The following PTPRT variants were observed in gnomAD, a reference collection of about 807,000 sequenced individuals.
PTPRT encodes the protein receptor-type tyrosine-protein phosphatase T.
PTPRT carries 56 observed loss-of-function variants against 176.8 expected under a neutral mutation model. The observed-to-expected ratio is 0.32, with a 90% CI of 0.26 to 0.40. The LOEUF (loss-of-function observed/expected upper bound fraction) is 0.40, where lower values mean the gene tolerates loss of function less well. PTPRT is among the 10% of genes least tolerant of loss of function. The pLI, the probability that PTPRT is intolerant of heterozygous loss-of-function variation, is 1.00. For missense variants in PTPRT, 1,540 were observed against 1,908.2 expected (o/e 0.81, Z 3.60); for synonymous variants, 783 against 739.0 (o/e 1.06, Z -0.96).
chr20:42,456,013 C>A (rs1162598016), intron 8 of PTPRT, among the ~76,000 whole-genome samples: 1 of 151,982 alleles, frequency 6.6e-6, no homozygotes, highest in Non-Finnish European at 1.5e-5. Context: ...GAGATAATAT[C>A]ATGTCTTTAT....
chr20:42,607,919 A>T (rs1306163070), intron 7 of PTPRT, among the ~76,000 whole-genome samples: 1 of 152,148 alleles, frequency 6.6e-6, no homozygotes. Flanking sequence ...TCCCTGAAAC[A>T]CCAGCTCATA....
chr20:42,156,898 A>C (rs1220807383), intron 17 of PTPRT, among the ~76,000 whole-genome samples: 1 of 152,204 alleles, frequency 6.6e-6, no homozygotes, highest in Non-Finnish European at 1.5e-5. Flanking sequence ...CATTCTCAAC[A>C]CAGTAGCTAG....
At chr20:42,729,273 G>A (rs1320993851) in intron 6 of PTPRT, among the ~76,000 whole-genome samples, 1 of 152,114 alleles carries the variant, frequency 6.6e-6, no homozygotes, top group Non-Finnish European at 1.5e-5. Context: ...ACCCAGGGGG[G>A]TCGGTCTAGC....
chr20:42,886,050 C>CATAT (rs11473209), intron 1 of PTPRT, 118 bp from the exon 2 acceptor site: 3,551 of 338,510 alleles, frequency 0.01, 11 homozygotes, highest in Non-Finnish European at 0.013. Context: ...GAAGATTTTC[C>CATAT]ATATATATAT....
intron 1 of PTPRT, among the ~76,000 whole-genome samples, chr20:42,994,121 C>T (rs954305271): frequency 1.3e-5 from 2 of 152,196 alleles, no homozygotes; most frequent in Admixed American, 1.3e-4. Context: ...TATTTATCCA[C>T]TCCCATTTCA....
chr20:42,195,911 C>T (rs1991198608), intron 16 of PTPRT, among the ~76,000 whole-genome samples: 2 of 152,170 alleles, frequency 1.3e-5, no homozygotes, highest in African/African-American at 4.8e-5. Flanking sequence ...TCTCCTCTTC[C>T]TTTATGGCAA....
intron 7 of PTPRT, among the ~76,000 whole-genome samples, chr20:42,505,892 T>G (rs1183697871): frequency 1.3e-5 from 2 of 152,170 alleles, no homozygotes; most frequent in Non-Finnish European, 2.9e-5. Flanking sequence ...TTAAAGCATA[T>G]TTCACTTTGT....
At chr20:42,138,833 T>A (rs1463343591) in intron 18 of PTPRT, among the ~76,000 whole-genome samples, 1 of 152,154 alleles carries the variant, frequency 6.6e-6, no homozygotes, top group African/African-American at 2.4e-5. Context: ...TTCGCCAAGG[T>A]CTCTTGTTGT....
intron 1 of PTPRT, among the ~76,000 whole-genome samples, chr20:43,151,825 T>C (rs893773236): frequency 6.6e-6 from 1 of 151,312 alleles, no homozygotes; most frequent in South Asian, 2.1e-4. Flanking sequence ...ATTGTGCCAT[T>C]GCACTCCAGC....
intron 7 of PTPRT, among the ~76,000 whole-genome samples, chr20:42,570,833 C>T (rs1217695522): frequency 6.6e-6 from 1 of 151,850 alleles, no homozygotes; most frequent in Non-Finnish European, 1.5e-5. Context: ...ATCACAAGAT[C>T]TTTAACTTAA....
At chr20:42,120,024 C>T in intron 19 of PTPRT, 53 bp from the exon 20 acceptor site, 6 of 1,502,396 alleles carry the variant, frequency 4.0e-6, no homozygotes, top group Non-Finnish European at 4.6e-6. Context: ...AGCTTGCAAA[C>T]AGCACAATAT....
chr20:42,301,588 C>T (rs768897195), intron 12 of PTPRT, among the ~76,000 whole-genome samples: 16 of 151,588 alleles, frequency 1.1e-4, no homozygotes, highest in Admixed American at 6.6e-4. Flanking sequence ...TTGGAAATTG[C>T]GCATTAAAGC....
chr20:42,161,919 T>A (rs946397666), intron 16 of PTPRT, among the ~76,000 whole-genome samples: 1 of 152,158 alleles, frequency 6.6e-6, no homozygotes, highest in Non-Finnish European at 1.5e-5. Context: ...CTGGAAATAG[T>A]GCCTGATGCC....
chr20:42,130,566 G>C (rs969833962), intron 18 of PTPRT, among the ~76,000 whole-genome samples: 1 of 152,204 alleles, frequency 6.6e-6, no homozygotes, highest in Admixed American at 6.5e-5. Flanking sequence ...ATGCACACTA[G>C]AGTGGGAGAA....
chr20:42,998,973 A>G (rs1984377664), intron 1 of PTPRT, among the ~76,000 whole-genome samples: 1 of 152,196 alleles, frequency 6.6e-6, no homozygotes, highest in South Asian at 2.1e-4. Context: ...TTCTCCAACC[A>G]TTTCCCGTAA....
chr20:42,518,725 A>G, intron 7 of PTPRT, among the ~76,000 whole-genome samples: 1 of 151,828 alleles, frequency 6.6e-6, no homozygotes, highest in East Asian at 1.9e-4. Context: ...TTTTGTTCTT[A>G]TGTTAATAAT....
chr20:42,384,709 C>T (rs2070641216), intron 9 of PTPRT, among the ~76,000 whole-genome samples: 1 of 152,154 alleles, frequency 6.6e-6, no homozygotes, highest in Non-Finnish European at 1.5e-5. Context: ...CTCCATTTTA[C>T]ATCTCCACCA....
chr20:43,039,713 G>A (rs186614119), intron 1 of PTPRT, among the ~76,000 whole-genome samples: 2 of 152,140 alleles, frequency 1.3e-5, no homozygotes, highest in East Asian at 3.9e-4. Flanking sequence ...AGAACTAATA[G>A]TTCTGGTGTC....
chr20:43,020,116 A>G (rs912273987), intron 1 of PTPRT, among the ~76,000 whole-genome samples: 1,947 of 113,454 alleles, frequency 0.017, 20 homozygotes, highest in South Asian at 0.057. Context: ...GTGTGTATAT[A>G]TATATATATA....
Sources: allele counts gnomAD v4.1 joint callset (sites outside exome capture counted in the v4.1 genomes callset), GRCh38; gene constraint gnomAD v4.1.1; transcripts MANE v1.5; gene names NCBI Gene and HGNC (gene_info 2026-07-23, HGNC 2026-07-21).